The following PLOD2 variants were observed in gnomAD, a reference collection of about 807,000 sequenced individuals.
PLOD2 encodes procollagen-lysine,2-oxoglutarate 5-dioxygenase 2, also known as lysine hydroxylase 2.
In PLOD2, 65 loss-of-function variants were observed where a neutral mutation model predicts 101.0. That is an observed-to-expected ratio of 0.64 (90% CI 0.53 to 0.79). PLOD2 has a LOEUF of 0.79. Among genes scored for constraint, PLOD2 ranks in the 30% least tolerant of loss-of-function variants. The pLI, the probability that PLOD2 is intolerant of heterozygous loss-of-function variation, is 0.00. For synonymous variants in PLOD2, 314 were observed against 302.9 expected (o/e 1.04, Z -0.38); for missense variants, 909 against 914.6 (o/e 0.99, Z 0.08).
chr3:146,138,938 C>A (rs1364091533), intron 1 of PLOD2, among the ~76,000 whole-genome samples: 2 of 152,022 alleles, frequency 1.3e-5, no homozygotes, highest in African/African-American at 4.8e-5. Context: ...ATATTTGAAC[C>A]GAGAAAGACT....
intron 6 of PLOD2, among the ~76,000 whole-genome samples, chr3:146,103,859 ACACACACACT>A (rs1937480194): frequency 2.0e-5 from 3 of 148,590 alleles, no homozygotes; most frequent in African/African-American, 7.6e-5. Flanking sequence ...ACACACACAC[ACACACACACT>A]CTTCCCCAGT....
At chr3:146,076,052 A>G (rs1408875619) in intron 15 of PLOD2, 2 of 151,646 alleles carry the variant, frequency 1.3e-5, no homozygotes, top group Non-Finnish European at 3.0e-5. Context: ...CAAGGTAGTG[A>G]GCACAGTACC....
intron 2 of PLOD2, among the ~76,000 whole-genome samples, chr3:146,123,727 A>G (rs142028751): frequency 4.3e-4 from 63 of 147,518 alleles, no homozygotes; most frequent in African/African-American, 1.5e-3. Context: ...GAAATTATAT[A>G]TATATATGCA....
intron 10 of PLOD2, chr3:146,086,327 A>G (rs1034925015): frequency 6.6e-6 from 1 of 152,558 alleles, no homozygotes. Context: ...AAGCATTAAC[A>G]GGGCTAAACA....
At chr3:146,146,516 C>T (rs1225970882) in intron 1 of PLOD2, among the ~76,000 whole-genome samples, 3 of 151,776 alleles carry the variant, frequency 2.0e-5, no homozygotes, top group Non-Finnish European at 4.4e-5. Flanking sequence ...GGCGGGTGGA[C>T]GGAGAGGGAG....
intron 1 of PLOD2, among the ~76,000 whole-genome samples, chr3:146,139,319 G>C (rs897462047): frequency 4.6e-5 from 7 of 152,098 alleles, no homozygotes; most frequent in Admixed American, 1.3e-4. Flanking sequence ...TTAAAGTAGT[G>C]AAGGACTCCA....
chr3:146,078,518 A>G (rs1323018399), intron 13 of PLOD2, among the ~76,000 whole-genome samples: 1 of 151,826 alleles, frequency 6.6e-6, no homozygotes, highest in East Asian at 1.9e-4. Flanking sequence ...TTGAAAAATT[A>G]TTTTCTAGTC....
chr3:146,092,662 T>TA (rs998215886), intron 7 of PLOD2, among the ~76,000 whole-genome samples: 34 of 150,044 alleles, frequency 2.3e-4, no homozygotes, highest in East Asian at 1.4e-3. Context: ...ATTTTAACTG[T>TA]AAAAAAAAAA....
chr3:146,108,125 C>T (rs776470470), intron 4 of PLOD2, among the ~76,000 whole-genome samples: 1 of 151,752 alleles, frequency 6.6e-6, no homozygotes, highest in Admixed American at 6.6e-5. Context: ...GAAAAAAAAA[C>T]ATCTATTTTC....
chr3:146,092,737 T>C (rs1032220705), intron 7 of PLOD2, among the ~76,000 whole-genome samples: 1 of 151,988 alleles, frequency 6.6e-6, no homozygotes, highest in African/African-American at 2.4e-5. Flanking sequence ...GTGACAGAGG[T>C]AGACACACTT....
In PLOD2 at chr3:146,110,402, AT is replaced by A; in HGVS notation, c.384del (p.Lys128AsnfsTer23). 6.2e-7 allele frequency: 1 copy of A among 1,613,612 alleles called. No homozygotes were observed. The highest frequency in any genetic ancestry group is 1.1e-5 in the South Asian group (1 of 91,034). ...FAGGPEEVLK[K>X]FQKANHKVVF... is the part of the protein sequence containing the mutation. ...ACCACTTTGTGGTTTGCCTTTTGGA[AT>A]TTTTTTAGAACTTCTTCTGGACCAC... On this transcript the variant is annotated frameshift_variant, in exon 4 of 20. Transcript: ENST00000282903. LOFTEE classifies it high-confidence loss of function.
In PLOD2 at chr3:146,103,027, C is replaced by T. The variant is rs1490308775; in HGVS notation, c.680-175G>A. Among the ~76,000 whole-genome samples the T allele has an allele frequency of 2.6e-5, 4 of 152,142 alleles. No individual in the cohort carries two copies. The South Asian group carries it at 6.2e-4, about 24-fold the overall frequency. On this transcript the variant is annotated intron_variant, in intron 6 of 19. Coordinates refer to ENST00000282903, the MANE Select transcript of PLOD2 (RefSeq NM_182943.3). ...TTCATCTACTCCAAGCCAGCAGATA[C>T]CCAAAATGAAGGATGACAGTGACAA... is the stretch of plus-strand genomic sequence containing the variant.
chr3:146,139,763 C>G (rs2031431141), intron 1 of PLOD2, among the ~76,000 whole-genome samples: 1 of 152,060 alleles, frequency 6.6e-6, no homozygotes, highest in African/African-American at 2.4e-5. Context: ...AAGTCATTAG[C>G]AAGAAATTTA....
At chr3:146,127,266 C>T (rs1396429421) in intron 1 of PLOD2, among the ~76,000 whole-genome samples, 1 of 152,018 alleles carries the variant, frequency 6.6e-6, no homozygotes. Flanking sequence ...CTAGTATATC[C>T]ATTACCCACA....
intron 7 of PLOD2, among the ~76,000 whole-genome samples, chr3:146,092,582 C>T (rs530503592): frequency 2.6e-5 from 4 of 152,060 alleles, no homozygotes; most frequent in South Asian, 2.1e-4. Context: ...ATTTCTCTAC[C>T]CATTTTCTTT....
chr3:146,073,244 A>G, intron 16 of PLOD2, 43 bp downstream of exon 16: 1 of 787,746 alleles, frequency 1.3e-6, no homozygotes, highest in Non-Finnish European at 2.1e-6. Context: ...CTTCTGGAAA[A>G]TAACAGCAAA....
chr3:146,111,005 G>T (rs1184311144), intron 3 of PLOD2, among the ~76,000 whole-genome samples: 1 of 150,746 alleles, frequency 6.6e-6, no homozygotes, highest in South Asian at 2.1e-4. Flanking sequence ...ATACACTTGG[G>T]AGAAAATTTT....
intron 17 of PLOD2, among the ~76,000 whole-genome samples, chr3:146,071,840 G>A (rs1310299997): frequency 4.6e-5 from 7 of 151,332 alleles, no homozygotes; most frequent in African/African-American, 1.5e-4. Context: ...AGCTTTCCCC[G>A]CCCTTCCTCA....
chr3:146,125,501 C>T (rs994575606), intron 1 of PLOD2, among the ~76,000 whole-genome samples: 1 of 152,080 alleles, frequency 6.6e-6, no homozygotes, highest in African/African-American at 2.4e-5. Flanking sequence ...AATCTCAGCA[C>T]TTTGGGAGGC....
Sources: allele counts gnomAD v4.1 joint callset (sites outside exome capture counted in the v4.1 genomes callset), GRCh38; gene constraint gnomAD v4.1.1; transcripts MANE v1.5; gene names NCBI Gene and HGNC (gene_info 2026-07-23, HGNC 2026-07-21).